The following MED15 variants were observed in gnomAD, a reference collection of about 807,000 sequenced individuals.
MED15 encodes the protein mediator of RNA polymerase II transcription subunit 15.
MED15 carries 41 observed loss-of-function variants against 118.7 expected under a neutral mutation model. The ratio of observed to expected loss-of-function variants is 0.35; its 90% CI spans 0.27 to 0.45. The LOEUF is 0.45. MED15 is among the 20% of genes least tolerant of loss of function. The pLI is 1.00. For synonymous variants in MED15, 436 were observed against 413.9 expected (o/e 1.05, Z -0.65); for missense variants, 740 against 1,025.5 (o/e 0.72, Z 3.80).
chr22:20,537,505 C>T (rs984631087), intron 2 of MED15, among the ~76,000 whole-genome samples: 11 of 152,184 alleles, frequency 7.2e-5, no homozygotes. Context: ...CCTAGCTGGT[C>T]CTGTGGAAGG....
At chr22:20,561,920 G>A (rs2056258633) in intron 5 of MED15, among the ~76,000 whole-genome samples, 1 of 152,182 alleles carries the variant, frequency 6.6e-6, no homozygotes, top group African/African-American at 2.4e-5. Context: ...GAGCCCAGGA[G>A]GTCAAGGCTG....
intron 1 of MED15, among the ~76,000 whole-genome samples, chr22:20,519,407 C>T (rs994151217): frequency 1.3e-5 from 2 of 151,484 alleles, no homozygotes; most frequent in African/African-American, 4.9e-5. Flanking sequence ...TACCTTCTTT[C>T]CAAGCCCCAT....
chr22:20,562,952 C>G (rs879646217), intron 5 of MED15, among the ~76,000 whole-genome samples: 18 of 151,978 alleles, frequency 1.2e-4, no homozygotes, highest in Admixed American at 3.3e-4. Flanking sequence ...AGGAGGGTCA[C>G]TTAAGCCCAG....
chr22:20,580,830 G>C (rs1016018297), intron 9 of MED15, among the ~76,000 whole-genome samples: 5 of 152,202 alleles, frequency 3.3e-5, no homozygotes, highest in Non-Finnish European at 5.9e-5. Flanking sequence ...GTTCAACTCA[G>C]CATTTAGCAA....
chr22:20,523,685 C>T, intron 1 of MED15: 2 of 985,408 alleles, frequency 2.0e-6, no homozygotes, highest in Non-Finnish European at 2.4e-6. Context: ...CAGGCGAGAC[C>T]TAGGGGAGCC....
rs143430409 is a variant in MED15 at position 20,585,009 on chromosome 22, C to T, written c.1958C>T (p.Pro653Leu). The change falls in exon 15 of 18, where the codon CCC becomes CTC. Residue 653 changes from proline (P) to leucine (L), a missense_variant. This residue lies in a region of MED15 where 179 missense variants were observed against 259.0 expected (regional missense o/e 0.69). Transcript: ENST00000263205. Reference sequence around the variant, plus strand: ...GCCATGACCGCCATTCACGGCCCACCCATCACGTATGTCCAGCTGGGCTGG... The same window carrying T: ...GCCATGACCGCCATTCACGGCCCACTCATCACGTATGTCCAGCTGGGCTGG... ...VPAMTAIHGP[P>L]ITAPVVCTRK... The T allele has an allele frequency of 1.1e-4, 172 of 1,614,062 alleles. No homozygotes were observed. The African/African-American group carries it at 2.1e-3, about 20-fold the overall frequency.
At chr22:20,518,943 C>G (rs748056349) in intron 1 of MED15, 12 of 443,814 alleles carry the variant, frequency 2.7e-5, no homozygotes, top group South Asian at 9.4e-5. Flanking sequence ...ACCTCCACCT[C>G]CTGGGCTCAA....
chr22:20,528,357 A>C (rs148820181), intron 1 of MED15, among the ~76,000 whole-genome samples: 22 of 152,354 alleles, frequency 1.4e-4, no homozygotes, highest in African/African-American at 5.3e-4. Context: ...ACAGACCGGC[A>C]GATGAGGATG....
intron 1 of MED15, among the ~76,000 whole-genome samples, chr22:20,531,625 G>A (rs893847735): frequency 3.3e-5 from 5 of 152,230 alleles, no homozygotes; most frequent in Admixed American, 6.5e-5. Context: ...TGGCTGCCAC[G>A]CTGATTCTCC....
chr22:20,575,048 C>T, intron 8 of MED15, 65 bp from the exon 9 acceptor site: 7 of 1,603,100 alleles, frequency 4.4e-6, no homozygotes, highest in Non-Finnish European at 1.7e-6. Context: ...GTGCCCTCTC[C>T]ACCTGCCCAG....
chr22:20,585,685 C>T (rs1176382063), intron 16 of MED15, 43 bp from the exon 17 acceptor site: 1 of 1,583,478 alleles, frequency 6.3e-7, no homozygotes, highest in South Asian at 1.1e-5. Context: ...GCAGGGCAGG[C>T]CGGGGCTTGT....
chr22:20,514,635 C>T (rs2054189668), intron 1 of MED15, among the ~76,000 whole-genome samples: 1 of 152,172 alleles, frequency 6.6e-6, no homozygotes, highest in Non-Finnish European at 1.5e-5. Flanking sequence ...GGAGCTGGAA[C>T]TGCCAGGTCA....
chr22:20,570,875 C>G (rs1308974788), intron 8 of MED15, among the ~76,000 whole-genome samples: 1 of 148,250 alleles, frequency 6.7e-6, no homozygotes. Context: ...AAGTGATTGT[C>G]CTGCCTTTGC....
At chr22:20,544,862 T>C (rs2055463354) in intron 2 of MED15, among the ~76,000 whole-genome samples, 1 of 148,994 alleles carries the variant, frequency 6.7e-6, no homozygotes, top group African/African-American at 2.4e-5. Context: ...AAGTCCAGCA[T>C]CACGAGGTAA....
Position 20,521,656 on chromosome 22 carries a change from A to G in MED15, c.68+13910A>G, listed in dbSNP as rs189536818. ...CGTGATCCCCCTACCTCGGCCTCCCAAAATGCTGGGATTACAGGCGTGAGC... is the reference window on the plus strand; with the variant it reads ...CGTGATCCCCCTACCTCGGCCTCCCGAAATGCTGGGATTACAGGCGTGAGC... On this transcript the variant is annotated intron_variant, in intron 1 of 17. Transcript: ENST00000263205. 3.9e-4 allele frequency among the ~76,000 whole-genome samples: 58 copies of G among 150,170 alleles called. No individual in the cohort carries two copies. The East Asian group carries it at 8.8e-3, about 23-fold the overall frequency.
At chr22:20,550,399 AAAG>A (rs1399647453) in intron 2 of MED15, among the ~76,000 whole-genome samples, 2 of 152,206 alleles carry the variant, frequency 1.3e-5, no homozygotes, top group African/African-American at 4.8e-5. Context: ...GAGCTGAAAA[AAAG>A]AAGTGGGGTA....
chr22:20,579,982 G>C (rs755907928), intron 9 of MED15, among the ~76,000 whole-genome samples: 5 of 152,110 alleles, frequency 3.3e-5, no homozygotes, highest in Non-Finnish European at 7.4e-5. Context: ...GAGTCTTTGG[G>C]GGGCTGCTTC....
At chr22:20,549,790 A>G (rs2055698509) in intron 2 of MED15, among the ~76,000 whole-genome samples, 1 of 152,110 alleles carries the variant, frequency 6.6e-6, no homozygotes, top group South Asian at 2.1e-4. Flanking sequence ...GGCTGCGCCT[A>G]CTGTGGGTCA....
chr22:20,526,824 G>T (rs1076348), intron 1 of MED15, among the ~76,000 whole-genome samples: 3 of 152,132 alleles, frequency 2.0e-5, no homozygotes, highest in East Asian at 3.9e-4. Flanking sequence ...AGCCCTCAGC[G>T]TGCTTGTCTG....
Sources: allele counts gnomAD v4.1 joint callset (sites outside exome capture counted in the v4.1 genomes callset), GRCh38; gene constraint gnomAD v4.1.1; regional missense constraint gnomAD v4.1.1; transcripts MANE v1.5; gene names NCBI Gene and HGNC (gene_info 2026-07-23, HGNC 2026-07-21).